The following RANBP17 variants were observed in gnomAD, a reference collection of about 807,000 sequenced individuals.
RANBP17 encodes RAN binding protein 17, also known as ran-binding protein 17.
In RANBP17, 158 loss-of-function variants were observed where a neutral mutation model predicts 141.2. The ratio of observed to expected loss-of-function variants is 1.12; its 90% CI spans 0.98 to 1.28. RANBP17 has a LOEUF of 1.28. RANBP17 is among the 50% of genes most tolerant of loss of function. The pLI is 0.00. For missense variants in RANBP17, 1,438 were observed against 1,290.7 expected (o/e 1.11, Z -1.75); for synonymous variants, 430 against 450.0 (o/e 0.96, Z 0.56).
intron 22 of RANBP17, among the ~76,000 whole-genome samples, chr5:171,229,776 A>G: frequency 6.7e-6 from 1 of 149,926 alleles, no homozygotes; most frequent in African/African-American, 2.5e-5. Flanking sequence ...AAAAAAAAAA[A>G]AGAATCCACC....
intron 25 of RANBP17, among the ~76,000 whole-genome samples, chr5:171,276,941 A>C (rs1056456818): frequency 2.0e-4 from 29 of 145,374 alleles, no homozygotes; most frequent in African/African-American, 6.3e-4. Flanking sequence ...AAAAAAAAAA[A>C]AAACCTCTGC....
intron 12 of RANBP17, among the ~76,000 whole-genome samples, chr5:170,953,305 A>G (rs1775349679): frequency 6.6e-6 from 1 of 152,140 alleles, no homozygotes; most frequent in African/African-American, 2.4e-5. Context: ...CCATTTTACA[A>G]ATGAAAACCC....
intron 14 of RANBP17, among the ~76,000 whole-genome samples, chr5:171,128,944 T>C (rs1756699284): frequency 6.6e-6 from 1 of 152,198 alleles, no homozygotes; most frequent in Admixed American, 6.5e-5. Flanking sequence ...TGAGTGCTTA[T>C]AAAGAATACC....
Position 170,997,512 on chromosome 5 carries a change from A to C in RANBP17, c.1710+29135A>C, listed in dbSNP as rs1049453329. Among the ~76,000 whole-genome samples the C allele has an allele frequency of 3.9e-5, 6 of 152,322 alleles. No individual in the cohort carries two copies. In the East Asian group the frequency reaches 7.7e-4, roughly 20 times the overall value. ...TCCTCCCAGTCCACATAGTAAATGT[A>C]CTACCAAGGTTTGAGAGATTTCTTT... On this transcript the variant is annotated intron_variant, in intron 14 of 27. Transcript: ENST00000523189.
At chr5:171,088,265 TTTTC>T (rs763056353) in intron 14 of RANBP17, among the ~76,000 whole-genome samples, 10 of 152,186 alleles carry the variant, frequency 6.6e-5, no homozygotes, top group Non-Finnish European at 1.2e-4. Context: ...TTGAAAATTC[TTTTC>T]TTTAAGAATG....
At chr5:170,932,436 A>C (rs1055914237) in intron 12 of RANBP17, among the ~76,000 whole-genome samples, 1 of 152,206 alleles carries the variant, frequency 6.6e-6, no homozygotes, top group Admixed American at 6.5e-5. Flanking sequence ...CAGAACATCC[A>C]ACACTATGTT....
intron 14 of RANBP17, among the ~76,000 whole-genome samples, chr5:171,104,279 C>T (rs1447475592): frequency 8.5e-5 from 13 of 152,076 alleles, no homozygotes; most frequent in South Asian, 6.2e-4. Context: ...TCAGGTGATC[C>T]GCCCGCCTCA....
intron 14 of RANBP17, among the ~76,000 whole-genome samples, chr5:170,983,706 G>T (rs1326432411): frequency 6.6e-6 from 1 of 152,134 alleles, no homozygotes; most frequent in South Asian, 2.1e-4. Flanking sequence ...TCATGTATGT[G>T]TATAATTTTA....
intron 1 of RANBP17, among the ~76,000 whole-genome samples, chr5:170,874,220 T>C (rs928366542): frequency 1.3e-5 from 2 of 152,250 alleles, no homozygotes; most frequent in Admixed American, 1.3e-4. Context: ...ATTTCAGTTC[T>C]TTTGTATTTG....
At chr5:171,066,542 T>C (rs1219023631) in intron 14 of RANBP17, among the ~76,000 whole-genome samples, 1 of 152,240 alleles carries the variant, frequency 6.6e-6, no homozygotes, top group East Asian at 1.9e-4. Context: ...TGTATGTATA[T>C]ACCACATTTT....
intron 1 of RANBP17, among the ~76,000 whole-genome samples, chr5:170,870,381 A>G (rs1767619746): frequency 7.0e-6 from 1 of 142,548 alleles, no homozygotes; most frequent in African/African-American, 2.6e-5. Flanking sequence ...CCTCACCCCC[A>G]CAACAGGCCC....
At chr5:170,930,631 G>T (rs1179243112) in intron 12 of RANBP17, among the ~76,000 whole-genome samples, 4 of 151,928 alleles carry the variant, frequency 2.6e-5, no homozygotes, top group African/African-American at 9.7e-5. Flanking sequence ...TTATTGTTCA[G>T]TTCCCACCTA....
chr5:170,969,948 C>T (rs1285481006), intron 14 of RANBP17, among the ~76,000 whole-genome samples: 1 of 151,906 alleles, frequency 6.6e-6, no homozygotes, highest in Non-Finnish European at 1.5e-5. Context: ...TATTGCATAA[C>T]CCCAGAGTGA....
Position 171,221,777 on chromosome 5 carries a change from G to T in RANBP17, c.2359G>T (p.Asp787Tyr), listed in dbSNP as rs779864325. Residue 787 changes from aspartate to tyrosine, a missense_variant, in exon 22 of 28, where the codon GAT becomes TAT. Coordinates refer to ENST00000523189, the MANE Select transcript of RANBP17 (RefSeq NM_022897.5). ...MQNRSQRLNF[D>Y]VSSPNGILLF... ...TCTTAGATCCCAGCGTTTGAATTTT[G>T]ATGTATCATCTCCTAATGGAATTCT... 2.5e-6 allele frequency: 4 copies of T among 1,609,512 alleles called. No homozygotes were observed. Among genetic ancestry groups the T allele is most frequent in the South Asian group, 2.2e-5 (2 of 90,816 alleles).
chr5:171,003,581 A>C (rs1779373197), intron 14 of RANBP17, among the ~76,000 whole-genome samples: 1 of 152,296 alleles, frequency 6.6e-6, no homozygotes, highest in African/African-American at 2.4e-5. Flanking sequence ...GATACCCCAT[A>C]TCCCTTGGAG....
chr5:171,152,389 T>C (rs1438640460), intron 14 of RANBP17, among the ~76,000 whole-genome samples: 8 of 148,766 alleles, frequency 5.4e-5, no homozygotes, highest in Non-Finnish European at 1.0e-4. Flanking sequence ...TGCACTCCAG[T>C]CTGGGCGACA....
chr5:170,961,914 T>C (rs528418054), intron 13 of RANBP17, among the ~76,000 whole-genome samples: 2 of 152,230 alleles, frequency 1.3e-5, no homozygotes, highest in African/African-American at 2.4e-5. Context: ...ATGGCCACTC[T>C]GAATAAAGAC....
chr5:171,092,590 G>T (rs1321843083), intron 14 of RANBP17, among the ~76,000 whole-genome samples: 1 of 152,170 alleles, frequency 6.6e-6, no homozygotes, highest in Non-Finnish European at 1.5e-5. Context: ...TAAAATGAGG[G>T]CTGACACTGG....
chr5:170,973,860 A>T (rs912178840), intron 14 of RANBP17, among the ~76,000 whole-genome samples: 17 of 152,248 alleles, frequency 1.1e-4, no homozygotes, highest in African/African-American at 4.1e-4. Context: ...AGGGCACACA[A>T]ACTCTCTCAG....
Sources: allele counts gnomAD v4.1 joint callset (sites outside exome capture counted in the v4.1 genomes callset), GRCh38; gene constraint gnomAD v4.1.1; transcripts MANE v1.5; gene names NCBI Gene and HGNC (gene_info 2026-07-23, HGNC 2026-07-21).